Variants in TMEM164 observed in about 807,000 individuals in gnomAD.
TMEM164 encodes the protein transmembrane protein 164.
Under a neutral mutation model 18.8 loss-of-function variants are expected in TMEM164, and 4 were observed. The ratio of observed to expected loss-of-function variants is 0.21; its 90% CI spans 0.10 to 0.49. The LOEUF is 0.49. Among genes scored for constraint, TMEM164 ranks in the 20% least tolerant of loss-of-function variants. The probability of loss-of-function intolerance (pLI) is 0.98; values close to 1 mark genes in which losing one functional copy is unlikely to be tolerated. For synonymous variants in TMEM164, 86 were observed against 101.7 expected, an observed-to-expected ratio of 0.85 and a Z score of 0.93; for missense variants, 108 against 239.9, an observed-to-expected ratio of 0.45 and a Z score of 3.63.
intron 3 of TMEM164, among the ~76,000 whole-genome samples, chrX:110,102,124 A>G: frequency 9.6e-6 from 1 of 104,202 alleles, no homozygotes; most frequent in African/African-American, 3.5e-5. Context: ...CCAGGAGATC[A>G]AGACCAGCCT....
intron 2 of TMEM164, among the ~76,000 whole-genome samples, chrX:110,052,347 A>G (rs922656313): frequency 1.8e-5 from 2 of 112,438 alleles, no homozygotes; most frequent in African/African-American, 3.2e-5. Flanking sequence ...ATAGAATAGC[A>G]TATATGATTC....
chrX:110,174,364 C>T lies in TMEM164; in HGVS notation c.*913C>T, dbSNP rs927364695. On this transcript the variant is annotated 3_prime_UTR_variant, in exon 7 of 7. Transcript: ENST00000372068. ...TTCCCTCTCCCTTTCCCTCTCCCCC[C>T]ACCCCTCCCCCTCCCCCCTCCCTCC... is the stretch of plus-strand genomic sequence containing the variant. The T allele has an allele frequency of 2.7e-5, 2 of 74,777 alleles. No individual in the cohort carries two copies. Among genetic ancestry groups the T allele is most frequent in the Admixed American group, 1.5e-4 (1 of 6,517 alleles). 6.2% of individuals were successfully genotyped at this position (74,777 alleles called of 1,213,427 possible).
intron 2 of TMEM164, chrX:110,046,621 C>A: frequency 2.5e-6 from 1 of 405,487 alleles, no homozygotes; most frequent in Non-Finnish European, 3.1e-6. Context: ...GCTGGAACAG[C>A]AATGCCATTT....
downstream of TMEM164, among the ~76,000 whole-genome samples, chrX:110,181,411 G>A (rs982760496): frequency 1.2e-4 from 13 of 112,291 alleles, no homozygotes; most frequent in Non-Finnish European, 2.1e-4. Flanking sequence ...CTCAGGCAGC[G>A]GGGGATGCAT....
At chrX:110,104,658 A>G (rs1044823073) in intron 3 of TMEM164, among the ~76,000 whole-genome samples, 3 of 112,064 alleles carry the variant, frequency 2.7e-5, no homozygotes, top group Admixed American at 9.5e-5. Flanking sequence ...AATGTAGTAC[A>G]GTACTCTAAA....
Position 110,041,659 on chromosome X carries a change from A to G in TMEM164, c.391-25688A>G, listed in dbSNP as rs374092598. On this transcript the variant is annotated intron_variant, in intron 2 of 6. Coordinates refer to ENST00000372068, the MANE Select transcript of TMEM164 (RefSeq NM_032227.4). ...TCCTGAACACTAGCCAGTTTCCCTAATGAAATATTTCTAGTATCCATTGTT... is the reference window on the plus strand; with the variant it reads ...TCCTGAACACTAGCCAGTTTCCCTAGTGAAATATTTCTAGTATCCATTGTT... 4.4e-4 allele frequency among the ~76,000 whole-genome samples: 49 copies of G among 112,215 alleles called. No individual in the cohort carries two copies. The South Asian group carries it at 0.017, about 40-fold the overall frequency.
chrX:110,005,864 A>T (rs1267500601), intron 2 of TMEM164, among the ~76,000 whole-genome samples: 1 of 111,675 alleles, frequency 9.0e-6, no homozygotes, highest in Admixed American at 9.5e-5. Context: ...TGCATCTTCT[A>T]CAAAGTGGTC....
chrX:110,031,620 T>G (rs75041330), intron 2 of TMEM164, among the ~76,000 whole-genome samples: 3,987 of 111,492 alleles, frequency 0.036, 166 homozygotes, highest in African/African-American at 0.12. Context: ...GCAGTGCCCT[T>G]CCCTAGTCCT....
intron 2 of TMEM164, among the ~76,000 whole-genome samples, chrX:110,051,075 CTTGTTG>C (rs1339256892): frequency 1.8e-5 from 2 of 112,205 alleles, no homozygotes; most frequent in Non-Finnish European, 3.8e-5. Flanking sequence ...GTGCTCCCAG[CTTGTTG>C]TCTTGGTTAC....
At chrX:110,070,725 C>T (rs1179315394) in intron 3 of TMEM164, among the ~76,000 whole-genome samples, 1 of 109,311 alleles carries the variant, frequency 9.1e-6, no homozygotes. Context: ...TCTCTAACCC[C>T]CCACCAAAAA....
At chrX:110,011,754 A>G (rs749699909) in intron 2 of TMEM164, among the ~76,000 whole-genome samples, 1 of 112,131 alleles carries the variant, frequency 8.9e-6, no homozygotes, top group East Asian at 2.8e-4. Flanking sequence ...GGGAATCTGC[A>G]TTTATAAGAA....
intron 2 of TMEM164, among the ~76,000 whole-genome samples, chrX:110,056,771 G>A (rs1278170787): frequency 9.0e-6 from 1 of 111,693 alleles, no homozygotes; most frequent in Non-Finnish European, 1.9e-5. Context: ...GATTTGATTT[G>A]CATTTCCCTG....
downstream of TMEM164, among the ~76,000 whole-genome samples, chrX:110,180,493 GC>G (rs767896230): frequency 6.6e-4 from 54 of 81,465 alleles, no homozygotes; most frequent in African/African-American, 3.9e-3. Context: ...GAACCCCCCC[GC>G]CCCGCCCACA....
intron 2 of TMEM164, among the ~76,000 whole-genome samples, chrX:110,005,313 G>A (rs1210651543): frequency 9.0e-6 from 1 of 111,658 alleles, no homozygotes; most frequent in East Asian, 2.8e-4. Flanking sequence ...GCCAGAAGAT[G>A]AATTAGTGCC....
At chrX:110,105,864 C>T (rs768976973) in intron 3 of TMEM164, among the ~76,000 whole-genome samples, 38 of 109,508 alleles carry the variant, frequency 3.5e-4, no homozygotes, top group South Asian at 2.0e-3. Context: ...TGAAACTTGG[C>T]GACATCTGAG....
chrX:110,061,788 C>T (rs868310234), intron 2 of TMEM164, among the ~76,000 whole-genome samples: 1 of 111,160 alleles, frequency 9.0e-6, no homozygotes, highest in Non-Finnish European at 1.9e-5. Flanking sequence ...AATGAAATCA[C>T]CAGAATGGGC....
intron 4 of TMEM164, among the ~76,000 whole-genome samples, chrX:110,143,801 T>TGG (rs778894073): frequency 1.2e-3 from 127 of 106,236 alleles, no homozygotes; most frequent in African/African-American, 3.7e-3. Context: ...TGGCATACTT[T>TGG]GGGGTGTGTG....
chrX:110,149,911 C>T (rs910363208), intron 5 of TMEM164, among the ~76,000 whole-genome samples: 1 of 111,787 alleles, frequency 8.9e-6, no homozygotes, highest in Non-Finnish European at 1.9e-5. Flanking sequence ...GCAATGCATC[C>T]GTTCATCTCA....
chrX:110,145,215 C>T (rs1204941298), intron 5 of TMEM164, among the ~76,000 whole-genome samples: 5 of 111,179 alleles, frequency 4.5e-5, no homozygotes, highest in Middle Eastern at 4.6e-3. Flanking sequence ...TTCCCCCTGC[C>T]TCAATGTGCA....
Sources: gnomAD v4.1 joint callset for allele counts (sites outside exome capture counted in the v4.1 genomes callset) on GRCh38, gnomAD v4.1.1 for gene constraint, MANE v1.5 for transcripts, NCBI Gene and HGNC (gene_info 2026-07-23, HGNC 2026-07-21) for gene names.